The following WWOX variants were observed in gnomAD, a reference collection of about 807,000 sequenced individuals.
WWOX encodes WW domain-containing oxidoreductase.
Under a neutral mutation model 46.2 loss-of-function variants are expected in WWOX, and 69 were observed. The observed-to-expected ratio is 1.49, with a 90% CI of 1.23 to 1.82. The LOEUF (loss-of-function observed/expected upper bound fraction) is 1.82, where lower values mean the gene tolerates loss of function less well. WWOX is among the 40% of genes most tolerant of loss of function. WWOX has a pLI of 0.00. For missense variants in WWOX, 919 were observed against 542.6 expected, an observed-to-expected ratio of 1.69 and a Z score of -6.89; for synonymous variants, 359 against 202.6, an observed-to-expected ratio of 1.77 and a Z score of -6.56.
At chr16:78,951,217 A>G (rs367656697) in intron 8 of WWOX, among the ~76,000 whole-genome samples, 2 of 152,140 alleles carry the variant, frequency 1.3e-5, no homozygotes, top group Non-Finnish European at 2.9e-5. Flanking sequence ...TCATAATTCT[A>G]TTTCTCTGCA....
chr16:78,849,721 G>T (rs530116946), intron 8 of WWOX, among the ~76,000 whole-genome samples: 20 of 152,202 alleles, frequency 1.3e-4, no homozygotes, highest in African/African-American at 4.8e-4. Context: ...TTGATGCAGT[G>T]AGCAAAGGGC....
intron 8 of WWOX, among the ~76,000 whole-genome samples, chr16:78,998,298 G>C (rs1327502678): frequency 6.6e-6 from 1 of 152,168 alleles, no homozygotes; most frequent in African/African-American, 2.4e-5. Context: ...CTAAGGTGTT[G>C]GCTGCTCTTC....
chr16:78,685,106 T>TCTCCA (rs2047824536), intron 8 of WWOX, among the ~76,000 whole-genome samples: 1 of 152,316 alleles, frequency 6.6e-6, no homozygotes, highest in African/African-American at 2.4e-5. Flanking sequence ...TCTACTGGTA[T>TCTCCA]CTCCACTTCT....
intron 5 of WWOX, among the ~76,000 whole-genome samples, chr16:78,271,730 G>A (rs956345062): frequency 6.6e-6 from 1 of 152,156 alleles, no homozygotes; most frequent in African/African-American, 2.4e-5. Flanking sequence ...CAGTCACATG[G>A]GACTCTGCCC....
intron 8 of WWOX, among the ~76,000 whole-genome samples, chr16:78,988,345 A>C (rs2046820683): frequency 5.7e-5 from 1 of 17,648 alleles, no homozygotes; most frequent in Non-Finnish European, 2.6e-4. Flanking sequence ...ACTCTGTCTC[A>C]AAAAAAATAA....
chr16:78,366,235 C>T (rs960183817), intron 5 of WWOX, among the ~76,000 whole-genome samples: 1 of 152,160 alleles, frequency 6.6e-6, no homozygotes, highest in Non-Finnish European at 1.5e-5. Context: ...AAACATTTAA[C>T]GCTGTTATGT....
intron 8 of WWOX, among the ~76,000 whole-genome samples, chr16:78,452,442 A>G (rs2083713897): frequency 6.6e-6 from 1 of 151,334 alleles, no homozygotes; most frequent in South Asian, 2.1e-4. Context: ...ACAGTTCATC[A>G]AGGACCTAAT....
chr16:78,505,128 C>G (rs1239743327), intron 8 of WWOX, among the ~76,000 whole-genome samples: 1 of 152,118 alleles, frequency 6.6e-6, no homozygotes, highest in East Asian at 1.9e-4. Context: ...CCAGGCAGCC[C>G]CCACTCTTCA....
intron 5 of WWOX, among the ~76,000 whole-genome samples, chr16:78,222,344 G>A (rs966532704): frequency 6.8e-4 from 92 of 135,422 alleles, no homozygotes; most frequent in Admixed American, 5.9e-4. Flanking sequence ...CGACTTAATA[G>A]AAAAAAAAAA....
chr16:78,291,906 A>G (rs2151861048), intron 5 of WWOX, among the ~76,000 whole-genome samples: 1 of 152,096 alleles, frequency 6.6e-6, no homozygotes, highest in South Asian at 2.1e-4. Context: ...TTCGGGATTG[A>G]TAGAGAAGCC....
At chr16:78,144,446 T>TATATATATATATATATATATATATAC (rs1326231878) in intron 4 of WWOX, among the ~76,000 whole-genome samples, 2 of 9,970 alleles carry the variant, frequency 2.0e-4, no homozygotes, top group Non-Finnish European at 1.8e-4. Context: ...TATATATATA[T>TATATATATATATATATATATATATAC]ACACATATAT....
intron 6 of WWOX, among the ~76,000 whole-genome samples, chr16:78,411,504 G>T (rs1026730734): frequency 1.3e-5 from 2 of 152,186 alleles, no homozygotes; most frequent in Admixed American, 6.5e-5. Context: ...CCATGGGGCA[G>T]TGGATGATTC....
chr16:78,816,984 G>T (rs1253034830), intron 8 of WWOX, among the ~76,000 whole-genome samples: 2 of 151,980 alleles, frequency 1.3e-5, no homozygotes, highest in African/African-American at 4.8e-5. Flanking sequence ...CTGAGCTATT[G>T]CCCAAACCAG....
intron 6 of WWOX, 87 bp from the exon 7 acceptor site, chr16:78,424,783 C>T (rs2083036415): frequency 6.9e-7 from 1 of 1,448,074 alleles, no homozygotes; most frequent in Non-Finnish European, 9.7e-7. Flanking sequence ...GTGTTTATGT[C>T]CACATCACGT....
intron 6 of WWOX, among the ~76,000 whole-genome samples, chr16:78,406,308 ATAT>A (rs2082534820): frequency 1.5e-4 from 3 of 20,202 alleles, no homozygotes; most frequent in South Asian, 2.6e-3. Flanking sequence ...ATATAAATAT[ATAT>A]ATATATATAT....
chr16:78,668,798 C>T (rs997773811), intron 8 of WWOX, among the ~76,000 whole-genome samples: 1 of 152,114 alleles, frequency 6.6e-6, no homozygotes, highest in Admixed American at 6.5e-5. Flanking sequence ...ATAGCAGGTA[C>T]AGCAGCTCAG....
chr16:78,924,817 G>C lies in WWOX; in HGVS notation c.1057-286791G>C, dbSNP rs559855426. On this transcript the variant is annotated intron_variant, in intron 8 of 8. Coordinates refer to ENST00000566780, the MANE Select transcript of WWOX (RefSeq NM_016373.4). ...CATCTCTTTTAGACTACTAGTGATT[G>C]TTGGTGTCAACATATGTGTGAAAAT... is the stretch of plus-strand genomic sequence containing the variant. Among the ~76,000 whole-genome samples, 12 of 152,288 alleles carry C rather than the reference G, an allele frequency of 7.9e-5. No individual in the cohort carries two copies. In the South Asian group the frequency reaches 2.5e-3, roughly 32 times the overall value.
chr16:78,251,659 T>G (rs2037987374), intron 5 of WWOX, among the ~76,000 whole-genome samples: 1 of 152,218 alleles, frequency 6.6e-6, no homozygotes, highest in South Asian at 2.1e-4. Context: ...ACATTACCGC[T>G]GAACCCCGAT....
At chr16:79,140,016 C>T (rs1029457234) in intron 8 of WWOX, among the ~76,000 whole-genome samples, 1 of 150,384 alleles carries the variant, frequency 6.6e-6, no homozygotes, top group Non-Finnish European at 1.5e-5. Context: ...CTGAGCTTTG[C>T]TGCGCTGTCA....
Sources: gnomAD v4.1 joint callset for allele counts (sites outside exome capture counted in the v4.1 genomes callset) on GRCh38, gnomAD v4.1.1 for gene constraint, MANE v1.5 for transcripts, NCBI Gene and HGNC (gene_info 2026-07-23, HGNC 2026-07-21) for gene names.